Variants in RYR3 observed in about 807,000 individuals in gnomAD.
RYR3 encodes ryanodine receptor 3, also known as brain ryanodine receptor-calcium release channel.
In RYR3, 207 loss-of-function variants were observed where a neutral mutation model predicts 584.3. The observed-to-expected ratio is 0.35, with a 90% CI of 0.32 to 0.40. The LOEUF is 0.40. Ranked by LOEUF, RYR3 falls within the 10% of genes least tolerant of loss-of-function variation. RYR3 has a pLI of 1.00. For missense variants in RYR3, 5,616 were observed against 6,089.2 expected, an observed-to-expected ratio of 0.92 and a Z score of 2.59; for synonymous variants, 2,416 against 2,248.5, an observed-to-expected ratio of 1.07 and a Z score of -2.11.
At chr15:33,560,738 T>C (rs1481281569) in intron 10 of RYR3, among the ~76,000 whole-genome samples, 1 of 152,220 alleles carries the variant, frequency 6.6e-6, no homozygotes, top group African/African-American at 2.4e-5. Flanking sequence ...AAGTATCCAT[T>C]GTTTTATAGG....
At chr15:33,743,567 C>T (rs2070386826) in intron 52 of RYR3, among the ~76,000 whole-genome samples, 1 of 152,218 alleles carries the variant, frequency 6.6e-6, no homozygotes, top group Admixed American at 6.5e-5. Flanking sequence ...TCTGCGTTTT[C>T]TGAGAACTCC....
intron 5 of RYR3, 150 bp downstream of exon 5, chr15:33,533,539 A>G: frequency 1.7e-6 from 1 of 594,670 alleles, no homozygotes. Context: ...ATAATGAACT[A>G]GAGAAAGAAT....
At chr15:33,778,837 C>CT (rs2074197777) in intron 64 of RYR3, among the ~76,000 whole-genome samples, 1 of 152,224 alleles carries the variant, frequency 6.6e-6, no homozygotes, top group Non-Finnish European at 1.5e-5. Flanking sequence ...GATTGCCTGA[C>CT]TGAGGACCTG....
intron 42 of RYR3, among the ~76,000 whole-genome samples, chr15:33,702,117 A>G (rs1157853037): frequency 6.6e-6 from 1 of 152,150 alleles, no homozygotes; most frequent in African/African-American, 2.4e-5. Context: ...AGGCATAAAG[A>G]GATTGGGTGG....
chr15:33,459,176 A>G (rs1208170926), intron 1 of RYR3, among the ~76,000 whole-genome samples: 1 of 152,230 alleles, frequency 6.6e-6, no homozygotes, highest in Non-Finnish European at 1.5e-5. Context: ...GGTGCTCCAG[A>G]TAAGTATGAT....
At chr15:33,811,576 T>TTTG in intron 72 of RYR3, among the ~76,000 whole-genome samples, 1 of 151,938 alleles carries the variant, frequency 6.6e-6, no homozygotes, top group Non-Finnish European at 1.5e-5. Flanking sequence ...TGTTTGTTTG[T>TTTG]TTGTTTTTGC....
chr15:33,457,750 C>G (rs965441438), intron 1 of RYR3, among the ~76,000 whole-genome samples: 1 of 152,136 alleles, frequency 6.6e-6, no homozygotes, highest in African/African-American at 2.4e-5. Context: ...AGAAGTGATA[C>G]ATGTGTGAGG....
intron 1 of RYR3, among the ~76,000 whole-genome samples, chr15:33,346,017 T>C (rs563459978): frequency 6.6e-6 from 1 of 152,348 alleles, no homozygotes; most frequent in African/African-American, 2.4e-5. Flanking sequence ...CTGTATTTAT[T>C]TGAAAAAGGC....
Position 33,859,604 on chromosome 15 carries a change from G to C in RYR3, c.14172G>C (p.Val4724=). ...TCYLFHMYVG[V]RAGGGIGDEI... is the part of the protein sequence containing the mutation. ...ACCTTTTCCACATGTACGTGGGAGT[G>C]AGAGCAGGAGGTGGCATTGGTGATG... Residue 4724 remains valine (V), a synonymous_variant, in exon 100 of 104, where the codon GTG becomes GTC. Transcript: ENST00000634891. 1.9e-6 allele frequency: 3 copies of C among 1,614,044 alleles called. No homozygotes were observed. Among genetic ancestry groups the C allele is most frequent in the South Asian group, 2.2e-5 (2 of 91,076 alleles).
At chr15:33,829,678 G>T (rs948574042) in intron 85 of RYR3, among the ~76,000 whole-genome samples, 3 of 151,854 alleles carry the variant, frequency 2.0e-5, no homozygotes, top group South Asian at 4.2e-4. Flanking sequence ...GCGTGAACCC[G>T]GGAGGCGGAG....
chr15:33,574,406 G>T (rs2058188607), intron 12 of RYR3, among the ~76,000 whole-genome samples: 1 of 152,150 alleles, frequency 6.6e-6, no homozygotes, highest in Admixed American at 6.5e-5. Context: ...GTTTCATACT[G>T]CCGAGCCTTC....
At chr15:33,841,249 A>G (rs3764233) in intron 90 of RYR3, among the ~76,000 whole-genome samples, 2 of 152,160 alleles carry the variant, frequency 1.3e-5, no homozygotes, top group East Asian at 3.9e-4. Context: ...AAATAAAGAT[A>G]GTTATTGATA....
chr15:33,634,562 C>A, intron 24 of RYR3, 24 bp from the exon 25 acceptor site: 4 of 1,613,312 alleles, frequency 2.5e-6, no homozygotes, highest in Non-Finnish European at 3.4e-6. Flanking sequence ...TTTCTTGGCA[C>A]CTTTTTTCTC....
At chr15:33,483,920 G>A (rs561295756) in intron 2 of RYR3, among the ~76,000 whole-genome samples, 2 of 152,238 alleles carry the variant, frequency 1.3e-5, no homozygotes, top group East Asian at 3.9e-4. Context: ...GAACAGGAGA[G>A]TACCCTTAGA....
At chr15:33,398,533 A>C (rs1204837082) in intron 1 of RYR3, among the ~76,000 whole-genome samples, 1 of 152,212 alleles carries the variant, frequency 6.6e-6, no homozygotes, top group Non-Finnish European at 1.5e-5. Flanking sequence ...GAATGTCTTC[A>C]ATTAGTCAGT....
intron 1 of RYR3, among the ~76,000 whole-genome samples, chr15:33,351,233 A>G: frequency 6.6e-6 from 1 of 152,216 alleles, no homozygotes; most frequent in African/African-American, 2.4e-5. Flanking sequence ...CTCTGAATAG[A>G]CCAATAACAG....
chr15:33,814,088 T>C (rs181334706), intron 74 of RYR3, among the ~76,000 whole-genome samples: 1 of 152,362 alleles, frequency 6.6e-6, no homozygotes, highest in Non-Finnish European at 1.5e-5. Context: ...TCAAGAGGCT[T>C]GCCAGAGGCA....
Position 33,670,567 on chromosome 15 carries a change from T to C in RYR3, c.5860+11T>C, listed in dbSNP as rs770308344. ...AGGAGAGATGCCCCAGTAAGTGACA[T>C]TGCCTTTAAATGACAGTGTGCTCTT... is the stretch of plus-strand genomic sequence containing the variant. On this transcript the variant is annotated intron_variant, in intron 38 of 103. Transcript: ENST00000634891. The C allele has an allele frequency of 1.3e-6, 2 of 1,554,372 alleles. No individual in the cohort carries two copies. Among genetic ancestry groups the C allele is most frequent in the Non-Finnish European group, 1.7e-6 (2 of 1,158,012 alleles).
chr15:33,602,731 GTCTTTTTTTT>G (rs1476020316), intron 17 of RYR3, among the ~76,000 whole-genome samples: 10 of 88,022 alleles, frequency 1.1e-4, no homozygotes, highest in Non-Finnish European at 1.7e-4. Context: ...GCTTTTTCTA[GTCTTTTTTTT>G]TTTTTTTTTT....
Sources: allele counts gnomAD v4.1 joint callset (sites outside exome capture counted in the v4.1 genomes callset), GRCh38; gene constraint gnomAD v4.1.1; transcripts MANE v1.5; gene names NCBI Gene and HGNC (gene_info 2026-07-23, HGNC 2026-07-21).